ACOT1: variants seen among roughly 807,000 people sequenced by gnomAD.
ACOT1 encodes the protein acyl-coenzyme A thioesterase 1.
ACOT1 carries 8 observed loss-of-function variants against 15.7 expected under a neutral mutation model. That is an observed-to-expected ratio of 0.51 (90% CI 0.30 to 0.92). ACOT1 has a LOEUF of 0.92. Among genes scored for constraint, ACOT1 ranks in the 40% least tolerant of loss-of-function variants. The pLI is 0.06. For missense variants in ACOT1, 151 were observed against 539.4 expected (o/e 0.28, Z 7.13); for synonymous variants, 67 against 241.2 (o/e 0.28, Z 6.69).
the ACOT1 span, among the ~76,000 whole-genome samples, chr14:73,505,421 G>C: frequency 8.1e-6 from 1 of 123,158 alleles, no homozygotes; most frequent in Non-Finnish European, 2.0e-5. Flanking sequence ...TTTTGAGACA[G>C]AGTCTCGCAC....
the ACOT1 span, chr14:73,522,507 G>A: frequency 3.5e-4 from 571 of 1,614,192 alleles, 8 homozygotes; most frequent in Middle Eastern, 0.015. Flanking sequence ...TGGATCCATC[G>A]GGCTGTGCGC....
At chr14:73,494,717 A>C in the ACOT1 span, among the ~76,000 whole-genome samples, 6 of 151,876 alleles carry the variant, frequency 4.0e-5, no homozygotes, top group African/African-American at 4.8e-5. Flanking sequence ...CACCCAGATA[A>C]TTTTTATTTA....
At chr14:73,518,790 A>T in the ACOT1 span, among the ~76,000 whole-genome samples, 1 of 152,166 alleles carries the variant, frequency 6.6e-6, no homozygotes, top group South Asian at 2.1e-4. Context: ...GGTTATACCT[A>T]AGTTATATCA....
At chr14:73,533,437 G>C (rs182009061), upstream of ACOT1, among the ~76,000 whole-genome samples, 2 of 115,634 alleles carry the variant, frequency 1.7e-5, no homozygotes, top group African/African-American at 5.6e-5. Flanking sequence ...CCAGCACTTT[G>C]GGAGGCCGAG....
upstream of ACOT1, among the ~76,000 whole-genome samples, chr14:73,535,806 A>G (rs1383699841): frequency 8.7e-6 from 1 of 114,420 alleles, no homozygotes; most frequent in Non-Finnish European, 1.9e-5. Flanking sequence ...ACAGGGTCTT[A>G]TCCAGGTTGG....
the ACOT1 span, among the ~76,000 whole-genome samples, chr14:73,500,308 A>G: frequency 3.4e-5 from 5 of 148,494 alleles, no homozygotes; most frequent in East Asian, 7.8e-4. Context: ...CTCATCAACT[A>G]TCGTTAGTGT....
the ACOT1 span, chr14:73,520,908 C>A: frequency 1.9e-6 from 3 of 1,613,990 alleles, no homozygotes; most frequent in Non-Finnish European, 2.5e-6. Flanking sequence ...CTTTCCAGCT[C>A]GGGGAGTCAC....
the ACOT1 span, chr14:73,509,472 G>T: frequency 1.9e-6 from 3 of 1,613,646 alleles, no homozygotes; most frequent in Non-Finnish European, 2.5e-6. Flanking sequence ...GGATGGTCTT[G>T]TCTGTGATCA....
chr14:73,518,054 C>T, the ACOT1 span, among the ~76,000 whole-genome samples: 11 of 152,148 alleles, frequency 7.2e-5, no homozygotes, highest in Non-Finnish European at 1.3e-4. Flanking sequence ...CCACCGCACT[C>T]CAGCCTGGGC....
chr14:73,522,148 G>A, the ACOT1 span: 14 of 985,600 alleles, frequency 1.4e-5, no homozygotes, highest in South Asian at 2.2e-4. Flanking sequence ...GAGCAGGCCG[G>A]TGGTGGAGAA....
the ACOT1 span, chr14:73,502,818 A>T: frequency 9.3e-7 from 1 of 1,074,854 alleles, no homozygotes; most frequent in Non-Finnish European, 1.4e-6. Flanking sequence ...AAGTGTTGGG[A>T]GCCACCTTGC....
At chr14:73,514,925 G>A in the ACOT1 span, among the ~76,000 whole-genome samples, 1,220 of 152,050 alleles carry the variant, frequency 8.0e-3, 31 homozygotes, top group East Asian at 0.044. Flanking sequence ...AAAATTGGCC[G>A]GGCATGGTGG....
At chr14:73,517,915 G>A in the ACOT1 span, among the ~76,000 whole-genome samples, 48 of 151,974 alleles carry the variant, frequency 3.2e-4, no homozygotes, top group Admixed American at 2.6e-3. Flanking sequence ...GGTGAACCCC[G>A]TCTCTACTAA....
chr14:73,491,478 A>G, the ACOT1 span: 3 of 1,495,256 alleles, frequency 2.0e-6, no homozygotes, highest in African/African-American at 2.8e-5. Context: ...ACCGCGCAAC[A>G]CTTAGCGGCC....
At position 73,542,697 on chromosome 14, in the gene ACOT1, C is replaced by T. The variant is rs1465264432; in HGVS notation, c.661-353C>T. On this transcript the variant is annotated intron_variant, in intron 2 of 2. Transcript: ENST00000311148. ...TTGGGATTACAGGCGTCAGCCACCACGCCCGGCCATGAGATGACGTACTTG... is the reference window on the plus strand; with the variant it reads ...TTGGGATTACAGGCGTCAGCCACCATGCCCGGCCATGAGATGACGTACTTG... Among the ~76,000 whole-genome samples the T allele has an allele frequency of 8.9e-5, 10 of 112,042 alleles. 1 individual carries two copies. Among genetic ancestry groups the T allele is most frequent in the Admixed American group, 4.0e-4 (4 of 9,934 alleles). 73.5% of individuals were successfully genotyped at this position (112,042 alleles called of 152,430 possible).
intron 2 of ACOT1, 24 bp downstream of exon 2, chr14:73,541,719 G>A: frequency 1.6e-6 from 2 of 1,225,692 alleles, no homozygotes; most frequent in Admixed American, 4.8e-5. Context: ...TCAGATTTAT[G>A]GGCTATGATG....
At chr14:73,527,691 G>A in the ACOT1 span, among the ~76,000 whole-genome samples, 3,373 of 152,080 alleles carry the variant, frequency 0.022, 42 homozygotes, top group African/African-American at 0.034. Context: ...AAAATACACA[G>A]TCAGGGCCAG....
At chr14:73,520,495 G>GGTGGGAGAATATCTCGAA in the ACOT1 span, 1 of 178,402 alleles carries the variant, frequency 5.6e-6, no homozygotes, top group African/African-American at 2.4e-5. Flanking sequence ...ATAGCACCTT[G>GGTGGGAGAATATCTCGAA]GTGGGAGAAT....
At chr14:73,492,252 G>A in the ACOT1 span, 1 of 1,613,988 alleles carries the variant, frequency 6.2e-7, no homozygotes, top group Non-Finnish European at 8.5e-7. The surrounding 1 kb of genome is among the most constrained non-coding windows in gnomAD (Gnocchi z 4.9). Context: ...TGCCAGGATG[G>A]AGTCCACTCT....
Sources: allele counts gnomAD v4.1 joint callset (sites outside exome capture counted in the v4.1 genomes callset), GRCh38; gene constraint gnomAD v4.1.1; non-coding constraint Gnocchi (gnomAD v3.1); transcripts MANE v1.5; gene names NCBI Gene and HGNC (gene_info 2026-07-23, HGNC 2026-07-21).